CHODL: variants seen among roughly 807,000 people sequenced by gnomAD.
The protein encoded by CHODL is chondrolectin, also known as transmembrane protein MT75.
In CHODL, 29 loss-of-function variants were observed where a neutral mutation model predicts 34.5. The ratio of observed to expected loss-of-function variants is 0.84; its 90% CI spans 0.63 to 1.15. The LOEUF is 1.15. CHODL is among the 50% of genes most tolerant of loss of function. The pLI is 0.00. For synonymous variants in CHODL, 125 were observed against 116.1 expected (o/e 1.08, Z -0.49); for missense variants, 332 against 332.5 (o/e 1.00, Z 0.01).
intron 2 of CHODL, among the ~76,000 whole-genome samples, chr21:18,102,382 G>C (rs2065226606): frequency 6.6e-6 from 1 of 152,140 alleles, no homozygotes; most frequent in Non-Finnish European, 1.5e-5. Flanking sequence ...GTTTTGATTG[G>C]ATTTTAATTG....
chr21:18,204,876 G>A (rs562463562), intron 2 of CHODL, among the ~76,000 whole-genome samples: 39 of 152,130 alleles, frequency 2.6e-4, no homozygotes, highest in Non-Finnish European at 5.0e-4. Context: ...ACAAACAAAG[G>A]AACCCCTGAA....
rs188324045 is a variant in CHODL at position 18,245,803 on chromosome 21, C to A, written c.79+501C>A. On this transcript the variant is annotated intron_variant, in intron 1 of 5. Coordinates refer to ENST00000299295, the MANE Select transcript of CHODL (RefSeq NM_024944.3). ...GGTCGCCTCCGGATGCCTGGGCATT[C>A]GGTCTTTGTTCTCAGCAGGACTACT... 195 of 949,110 alleles carry A rather than the reference C, an allele frequency of 2.1e-4. No homozygotes were observed. The African/African-American group carries it at 2.5e-3, about 12-fold the overall frequency. 58.8% of individuals were successfully genotyped at this position (949,110 alleles called of 1,614,324 possible).
intron 2 of CHODL, among the ~76,000 whole-genome samples, chr21:18,072,589 T>C (rs887421762): frequency 3.3e-5 from 5 of 152,164 alleles, no homozygotes; most frequent in Non-Finnish European, 7.4e-5. Flanking sequence ...AAAATTAAAC[T>C]GTAGGGTACA....
chr21:18,074,822 A>T (rs2064845966), intron 2 of CHODL, among the ~76,000 whole-genome samples: 1 of 152,118 alleles, frequency 6.6e-6, no homozygotes, highest in Admixed American at 6.6e-5. Flanking sequence ...AATGTTGCTG[A>T]TTGTGGAGAC....
chr21:17,961,633 A>G (rs559579755), intron 1 of CHODL, among the ~76,000 whole-genome samples: 1 of 152,340 alleles, frequency 6.6e-6, no homozygotes, highest in South Asian at 2.1e-4. Context: ...GACTCATCAC[A>G]GTTCCTGAAT....
chr21:18,200,304 T>A (rs766024952), intron 2 of CHODL, among the ~76,000 whole-genome samples: 29 of 152,304 alleles, frequency 1.9e-4, no homozygotes, highest in African/African-American at 6.5e-4. Context: ...ACAAAATGTA[T>A]AAAATTTGCA....
intron 2 of CHODL, among the ~76,000 whole-genome samples, chr21:18,111,721 T>C (rs760424870): frequency 5.3e-5 from 8 of 152,240 alleles, no homozygotes; most frequent in Non-Finnish European, 1.0e-4. Context: ...TACTTACTTA[T>C]ACTACAACTT....
At chr21:18,205,087 TTG>T (rs1246852608) in intron 2 of CHODL, among the ~76,000 whole-genome samples, 1 of 152,182 alleles carries the variant, frequency 6.6e-6, no homozygotes, top group East Asian at 1.9e-4. Context: ...TTTCTTTCTC[TTG>T]TGTGATTGCT....
chr21:18,230,011 AG>A (rs1358691245), intron 2 of CHODL, among the ~76,000 whole-genome samples: 1 of 152,176 alleles, frequency 6.6e-6, no homozygotes, highest in Non-Finnish European at 1.5e-5. Flanking sequence ...CTCCTCCCAA[AG>A]AAGGTGTGAG....
intron 2 of CHODL, among the ~76,000 whole-genome samples, chr21:18,091,721 C>T (rs988621405): frequency 4.3e-4 from 66 of 152,298 alleles, no homozygotes; most frequent in African/African-American, 1.6e-3. Context: ...AAGGAGCCCA[C>T]TGCCCTGAAG....
intron 2 of CHODL, among the ~76,000 whole-genome samples, chr21:18,116,396 C>T (rs1182527567): frequency 6.6e-6 from 1 of 152,176 alleles, no homozygotes; most frequent in African/African-American, 2.4e-5. Context: ...ATACCTCTAC[C>T]TCCACCAGTC....
chr21:18,035,191 C>T (rs942923325), intron 2 of CHODL, among the ~76,000 whole-genome samples: 1 of 151,938 alleles, frequency 6.6e-6, no homozygotes, highest in Non-Finnish European at 1.5e-5. Context: ...CATTTAGTAT[C>T]GCTTTTCCTT....
intron 2 of CHODL, among the ~76,000 whole-genome samples, chr21:18,058,815 G>C (rs1177702997): frequency 6.6e-6 from 1 of 151,420 alleles, no homozygotes; most frequent in Non-Finnish European, 1.5e-5. Context: ...CTCCCTTTTT[G>C]CCTCCTTTAC....
At chr21:18,246,565 C>T (rs1402814027) in intron 1 of CHODL, among the ~76,000 whole-genome samples, 1 of 152,136 alleles carries the variant, frequency 6.6e-6, no homozygotes, top group East Asian at 1.9e-4. Context: ...GATCCTTTTC[C>T]TCCCTAAGTT....
At chr21:18,057,154 T>C (rs143269047) in intron 2 of CHODL, among the ~76,000 whole-genome samples, 1 of 152,224 alleles carries the variant, frequency 6.6e-6, no homozygotes, top group African/African-American at 2.4e-5. Context: ...AAGATCCTGA[T>C]TCCAGCATTC....
chr21:18,187,687 C>T (rs1401843789), intron 2 of CHODL, among the ~76,000 whole-genome samples: 3 of 152,100 alleles, frequency 2.0e-5, no homozygotes, highest in South Asian at 2.1e-4. Context: ...CTTTCTATTA[C>T]CTGAGATGAA....
chr21:18,019,104 G>C (rs780469537), intron 1 of CHODL, among the ~76,000 whole-genome samples: 1 of 152,164 alleles, frequency 6.6e-6, no homozygotes, highest in Admixed American at 6.5e-5. Flanking sequence ...TTGTGAGAAT[G>C]ATATAATCTG....
In CHODL at chr21:18,262,887, A is replaced by G; in HGVS notation, c.731A>G (p.His244Arg). The G allele has an allele frequency of 1.3e-6, 2 of 1,582,510 alleles. No homozygotes were observed. Among genetic ancestry groups the G allele is most frequent in the Non-Finnish European group, 1.7e-6 (2 of 1,151,874 alleles). Residue 244 changes from histidine to arginine, a missense_variant, in exon 5 of 6, where the codon CAT becomes CGT. His to Arg is a conservative substitution (Grantham distance 29, BLOSUM62 0). Coordinates refer to ENST00000299295, the MANE Select transcript of CHODL (RefSeq NM_024944.3). Reference sequence around the variant, plus strand: ...GGAACCTGTTGTTTCCAGATGCTGCATAAAAGGTAAATAACTCATATATGT... The same window carrying G: ...GGAACCTGTTGTTTCCAGATGCTGCGTAAAAGGTAAATAACTCATATATGT... The part of the protein sequence containing the change: ...AFGTCCFQML[H>R]KSKGRTKTSP...
chr21:18,171,361 C>T (rs1308083535), intron 2 of CHODL, among the ~76,000 whole-genome samples: 7 of 149,084 alleles, frequency 4.7e-5, no homozygotes, highest in Non-Finnish European at 7.4e-5. Context: ...CGCCCGCCAC[C>T]GCGCCCGGCT....
Sources: allele counts gnomAD v4.1 joint callset (sites outside exome capture counted in the v4.1 genomes callset), GRCh38; gene constraint gnomAD v4.1.1; transcripts MANE v1.5; gene names NCBI Gene and HGNC (gene_info 2026-07-23, HGNC 2026-07-21).